Variants in CHST15 observed in about 807,000 individuals in gnomAD.
The protein encoded by CHST15 is carbohydrate sulfotransferase 15.
A neutral mutation model predicts 53.6 loss-of-function variants in CHST15; 30 were observed. That is an observed-to-expected ratio of 0.56 (90% CI 0.42 to 0.76). The LOEUF (loss-of-function observed/expected upper bound fraction) is 0.76, where lower values mean the gene tolerates loss of function less well. Among genes scored for constraint, CHST15 ranks in the 30% least tolerant of loss-of-function variants. CHST15 has a pLI of 0.00. For synonymous variants in CHST15, 296 were observed against 289.8 expected (o/e 1.02, Z -0.22); for missense variants, 627 against 740.5 (o/e 0.85, Z 1.78).
At chr10:124,017,377 G>T (rs765004544) in intron 6 of CHST15, among the ~76,000 whole-genome samples, 1 of 152,058 alleles carries the variant, frequency 6.6e-6, no homozygotes, top group African/African-American at 2.4e-5. Flanking sequence ...CACATTAGCC[G>T]GATACCTTGC....
At chr10:124,021,559 C>T in intron 5 of CHST15, 147 bp from the exon 6 acceptor site, 1 of 1,395,140 alleles carries the variant, frequency 7.2e-7, no homozygotes, top group Non-Finnish European at 9.5e-7. Context: ...GCAGATGAGC[C>T]ACCTCCCTCA....
chr10:124,059,524 GC>G (rs1455635952), intron 1 of CHST15, among the ~76,000 whole-genome samples: 3 of 152,198 alleles, frequency 2.0e-5, no homozygotes, highest in African/African-American at 4.8e-5. Flanking sequence ...GAGTCCCCTT[GC>G]CCACTTTGAC....
At position 124,024,276 on chromosome 10, in the gene CHST15, T is replaced by C. The variant is rs77250654; in HGVS notation, c.1191-2864A>G. Reference sequence around the variant, plus strand: ...CTCCCCTCTAATTGAGGTCATGATATGAGGAGCAGCATTTCTTAGGGACAG... The same window carrying C: ...CTCCCCTCTAATTGAGGTCATGATACGAGGAGCAGCATTTCTTAGGGACAG... On this transcript the variant is annotated intron_variant, in intron 5 of 7. Coordinates refer to ENST00000435907, the MANE Select transcript of CHST15 (RefSeq NM_001270764.2). The surrounding 1 kb of genome is among the most constrained non-coding windows in gnomAD (Gnocchi z 4.0). Among the ~76,000 whole-genome samples the C allele has an allele frequency of 0.036, 5,439 of 152,306 alleles. 282 individuals carry two copies. The highest frequency in any genetic ancestry group is 0.25 in the East Asian group (1,298 of 5,174).
rs558656579 is a variant in CHST15 at position 124,048,469 on chromosome 10, A to G, written c.-512-1745T>C. ...AGCCAGGCCAGACATCTCAGGCCCT[A>G]CCCCCATCTCTTATCCCTGAGGGCA... On this transcript the variant is annotated intron_variant, in intron 1 of 7. Transcript: ENST00000435907. Among the ~76,000 whole-genome samples the G allele has an allele frequency of 2.0e-5, 3 of 152,248 alleles. No individual in the cohort carries two copies. In the East Asian group the frequency reaches 5.8e-4, roughly 29 times the overall value.
At chr10:124,021,191 T>C (rs1946766548) in intron 6 of CHST15, 65 bp downstream of exon 6, 4 of 1,244,642 alleles carry the variant, frequency 3.2e-6, no homozygotes, top group Non-Finnish European at 3.2e-6. Flanking sequence ...GCTTGCATAA[T>C]AACAACAAAC....
intron 4 of CHST15, 111 bp downstream of exon 4, chr10:124,042,190 C>A: frequency 7.1e-6 from 8 of 1,129,424 alleles, no homozygotes; most frequent in Non-Finnish European, 1.0e-5. Context: ...AAGAAGTTTG[C>A]TGCCACCATG....
At chr10:124,061,997 A>T (rs1948590353) in intron 1 of CHST15, among the ~76,000 whole-genome samples, 1 of 145,052 alleles carries the variant, frequency 6.9e-6, no homozygotes, top group Admixed American at 7.1e-5. Context: ...TCCTCCAGAC[A>T]TACTATAAAT....
At chr10:124,022,945 T>A (rs2133872498) in intron 5 of CHST15, among the ~76,000 whole-genome samples, 1 of 151,292 alleles carries the variant, frequency 6.6e-6, no homozygotes, top group Admixed American at 6.6e-5. Context: ...GCCTCCCGAG[T>A]AGTTGGGACT....
At chr10:124,039,944 C>A (rs970352583) in intron 4 of CHST15, among the ~76,000 whole-genome samples, 5 of 152,096 alleles carry the variant, frequency 3.3e-5, no homozygotes, top group Admixed American at 2.0e-4. Context: ...GTATCATATC[C>A]CTGCAGGCCC....
In CHST15 at chr10:124,034,654, A is replaced by G. The variant is rs578108166; in HGVS notation, c.1190+3861T>C. ...TGATAGGTACCCTGGCTCCACCCCT[A>G]ACAGGGACCCCGGCTCTACCCCCTA... On this transcript the variant is annotated intron_variant, in intron 5 of 7. Transcript: ENST00000435907. Among the ~76,000 whole-genome samples, 12 of 120,384 alleles carry G rather than the reference A, an allele frequency of 1.0e-4. No homozygotes were observed. In the East Asian group the frequency reaches 1.0e-3, roughly 10 times the overall value. The allele number at this position is 120,384 out of a possible 152,430, so 79.0% of individuals were successfully genotyped here.
At position 124,019,951 on chromosome 10, in the gene CHST15, C is replaced by G; in HGVS notation, c.1347+1305G>C. 1 of 985,854 alleles carries G rather than the reference C, an allele frequency of 1.0e-6. No homozygotes were observed. Among genetic ancestry groups the G allele is most frequent in the African/African-American group, 1.7e-5 (1 of 57,378 alleles). The allele number at this position is 985,854 out of a possible 1,614,324, so 61.1% of individuals were successfully genotyped here. On this transcript the variant is annotated intron_variant, in intron 6 of 7. Transcript: ENST00000435907. The surrounding 1 kb of genome is among the most constrained non-coding windows in gnomAD (Gnocchi z 4.6). ...CACACGCTGCTCTCAGTTCCCTGGC[C>G]AACTCTCCTTCAGGCCTCAGCACAG...
chr10:124,038,568 G>A lies in CHST15; in HGVS notation c.1137C>T (p.His379=), dbSNP rs753794448. ...TCAGTCTGGCATTTGGCTGAAAGGCGTGGATGAAGTCCTGCGTCAGAAACG... is the reference window on the plus strand; with the variant it reads ...TCAGTCTGGCATTTGGCTGAAAGGCATGGATGAAGTCCTGCGTCAGAAACG... ...EPPFLTQDFI[H]AFQPNARLIV... Residue 379 remains histidine, a synonymous_variant, in exon 5 of 8, where the codon CAC becomes CAT. Transcript: ENST00000435907. 37 of 1,614,086 alleles carry A rather than the reference G, an allele frequency of 2.3e-5. No homozygotes were observed. Among genetic ancestry groups the A allele is most frequent in the East Asian group, 4.5e-5 (2 of 44,902 alleles).
chr10:124,038,250 G>A (rs1303997657), intron 5 of CHST15, among the ~76,000 whole-genome samples: 1 of 151,994 alleles, frequency 6.6e-6, no homozygotes, highest in Non-Finnish European at 1.5e-5. Flanking sequence ...GGGACTATAG[G>A]AGTGTGCCAC....
intron 1 of CHST15, among the ~76,000 whole-genome samples, chr10:124,063,324 A>G (rs1313606033): frequency 6.6e-6 from 1 of 152,124 alleles, no homozygotes; most frequent in Non-Finnish European, 1.5e-5. Context: ...TGGAGGTTGC[A>G]GTGAGCTGAG....
At chr10:124,038,349 A>G (rs1018686121) in intron 5 of CHST15, among the ~76,000 whole-genome samples, 166 bp downstream of exon 5, 2 of 151,936 alleles carry the variant, frequency 1.3e-5, no homozygotes, top group Non-Finnish European at 2.9e-5. Flanking sequence ...CAGGCGATCC[A>G]CCCACCCCGG....
intron 1 of CHST15, among the ~76,000 whole-genome samples, chr10:124,056,929 C>A (rs1279740440): frequency 6.6e-6 from 1 of 151,484 alleles, no homozygotes; most frequent in African/African-American, 2.4e-5. Flanking sequence ...GCCCGTACGA[C>A]CGGACACTCT....
intron 2 of CHST15, among the ~76,000 whole-genome samples, chr10:124,045,134 A>AAAAAAAAAAAAAAAAAAAAAAAAAT: frequency 6.8e-6 from 1 of 147,448 alleles, no homozygotes; most frequent in South Asian, 2.1e-4. Flanking sequence ...AAAAAAAAAA[A>AAAAAAAAAAAAAAAAAAAAAAAAAT]AAAAAAAAAA....
chr10:124,033,876 G>C (rs1183259624), intron 5 of CHST15, among the ~76,000 whole-genome samples: 1 of 152,228 alleles, frequency 6.6e-6, no homozygotes, highest in Non-Finnish European at 1.5e-5. Context: ...ACCCAGTAAA[G>C]CTGCACCCAG....
intron 1 of CHST15, among the ~76,000 whole-genome samples, chr10:124,056,117 T>G (rs1222852090): frequency 1.3e-5 from 2 of 152,150 alleles, no homozygotes; most frequent in Non-Finnish European, 2.9e-5. Flanking sequence ...AGCCTGACAC[T>G]CAGTCTTCCA....
Sources: allele counts gnomAD v4.1 joint callset (sites outside exome capture counted in the v4.1 genomes callset), GRCh38; gene constraint gnomAD v4.1.1; non-coding constraint Gnocchi (gnomAD v3.1); transcripts MANE v1.5; gene names NCBI Gene and HGNC (gene_info 2026-07-23, HGNC 2026-07-21).